The following COL23A1 variants were observed in gnomAD, a reference collection of about 807,000 sequenced individuals.
COL23A1 encodes the protein collagen type XXIII alpha 1 chain.
Under a neutral mutation model 99.3 loss-of-function variants are expected in COL23A1, and 97 were observed. The observed-to-expected ratio is 0.98, with a 90% CI of 0.83 to 1.16. The LOEUF is 1.16. Among genes scored for constraint, COL23A1 ranks in the 50% most tolerant of loss-of-function variants. The probability of loss-of-function intolerance (pLI) is 0.00; values close to 1 mark genes in which losing one functional copy is unlikely to be tolerated. For missense variants in COL23A1, 762 were observed against 757.4 expected (o/e 1.01, Z -0.07); for synonymous variants, 320 against 308.2 (o/e 1.04, Z -0.40).
chr5:178,422,552 G>A (rs1765691374), intron 2 of COL23A1, among the ~76,000 whole-genome samples: 2 of 152,206 alleles, frequency 1.3e-5, no homozygotes, highest in South Asian at 2.1e-4. Flanking sequence ...TCATCCCCCC[G>A]CTGTCTGCAC....
Position 178,237,670 on chromosome 5 carries a change from G to A in COL23A1, c.*1028C>T, listed in dbSNP as rs1471545906. 6.5e-6 allele frequency: 1 copy of A among 152,724 alleles called. No individual in the cohort carries two copies. The highest frequency in any genetic ancestry group is 1.9e-4 in the East Asian group (1 of 5,196). 9.5% of individuals were successfully genotyped at this position (152,724 alleles called of 1,614,324 possible). On this transcript the variant is annotated 3_prime_UTR_variant, in exon 29 of 29. Transcript: ENST00000390654. ...AGTGATCTCCATCTACACGGAAATG[G>A]AAGGCAAGCAGCCAGGATGGAGCTG...
At chr5:178,545,530 G>A (rs555931650) in intron 2 of COL23A1, among the ~76,000 whole-genome samples, 3 of 152,260 alleles carry the variant, frequency 2.0e-5, no homozygotes, top group South Asian at 4.2e-4. Context: ...AAGGGGACAC[G>A]GAAGAAAAGG....
At chr5:178,511,724 C>T (rs1362157469) in intron 2 of COL23A1, among the ~76,000 whole-genome samples, 1 of 152,122 alleles carries the variant, frequency 6.6e-6, no homozygotes, top group Non-Finnish European at 1.5e-5. Context: ...TGCACAGGAC[C>T]CCCAAGCAGC....
rs963853571 is a variant in COL23A1, at chr5:178,255,910, TA to T, written c.882+442del. 6.3e-6 allele frequency: 2 copies of T among 317,736 alleles called. No homozygotes were observed. Among genetic ancestry groups the T allele is most frequent in the African/African-American group, 2.2e-5 (1 of 45,442 alleles). 19.7% of individuals were successfully genotyped at this position (317,736 alleles called of 1,614,324 possible). A position where few individuals can be genotyped will look rare whatever the true frequency, so the allele number is the denominator to read the frequency against. On this transcript the variant is annotated intron_variant, in intron 15 of 28. Coordinates refer to ENST00000390654, the MANE Select transcript of COL23A1 (RefSeq NM_173465.4). The surrounding 1 kb of genome is among the most constrained non-coding windows in gnomAD (Gnocchi z 4.2). ...TCACCCTAAAGGTAAGGTATGTTGA[TA>T]GGGGCTGGTCACAAAAGATCTGGGG...
chr5:178,486,169 T>C (rs1757615671), intron 2 of COL23A1, among the ~76,000 whole-genome samples: 1 of 152,188 alleles, frequency 6.6e-6, no homozygotes, highest in Non-Finnish European at 1.5e-5. Flanking sequence ...CCAGGTAGTT[T>C]TGAAAACACC....
In COL23A1 at chr5:178,321,218, C is replaced by T. The variant is rs149008509; in HGVS notation, c.362-14299G>A. Among the ~76,000 whole-genome samples, 469 of 152,294 alleles carry T rather than the reference C, an allele frequency of 3.1e-3. 3 individuals are homozygous for T. The highest frequency in any genetic ancestry group is 0.011 in the African/African-American group (448 of 41,556). On this transcript the variant is annotated intron_variant, in intron 2 of 28. Coordinates refer to ENST00000390654, the MANE Select transcript of COL23A1 (RefSeq NM_173465.4). ...CATCAAGCACAGTCACGCTGTTGTGCGGCCACCAGCACCATCCCTCTCCAA... is the reference window on the plus strand; with the variant it reads ...CATCAAGCACAGTCACGCTGTTGTGTGGCCACCAGCACCATCCCTCTCCAA...
chr5:178,297,824 C>T (rs913221986), intron 3 of COL23A1, among the ~76,000 whole-genome samples: 8 of 152,142 alleles, frequency 5.3e-5, no homozygotes, highest in Non-Finnish European at 8.8e-5. Flanking sequence ...AGGGCAAGAG[C>T]ACCTGGAGGC....
chr5:178,472,413 C>A (rs1298922468), intron 2 of COL23A1, among the ~76,000 whole-genome samples: 1 of 152,184 alleles, frequency 6.6e-6, no homozygotes, highest in Non-Finnish European at 1.5e-5. Flanking sequence ...GAGGTGCCAG[C>A]ATGCTTTGGT....
intron 1 of COL23A1, among the ~76,000 whole-genome samples, chr5:178,573,702 T>C (rs1200473623): frequency 6.6e-6 from 1 of 152,196 alleles, no homozygotes; most frequent in Non-Finnish European, 1.5e-5. Context: ...CAAATGCTCA[T>C]TAACAGGAGA....
In COL23A1 at chr5:178,590,338, G is replaced by T; in HGVS notation, c.-141C>A. 1.4e-6 allele frequency: 1 copy of T among 709,654 alleles called. No homozygotes were observed. The highest frequency in any genetic ancestry group is 1.9e-6 in the Non-Finnish European group (1 of 533,758). The allele number at this position is 709,654 out of a possible 1,614,324, so 44.0% of individuals were successfully genotyped here. ...AGCCTCCGGGTAGCAGCGGATCGCC[G>T]CGCACGCCCCCTTCGCCGCAGCCAG... On this transcript the variant is annotated 5_prime_UTR_variant, in exon 1 of 29. Transcript: ENST00000390654. The surrounding 1 kb of genome is among the most constrained non-coding windows in gnomAD (Gnocchi z 5.7).
rs969345833 is a variant in COL23A1, at chr5:178,441,001, G to T, written c.361+119681C>A. 1.2e-4 allele frequency among the ~76,000 whole-genome samples: 18 copies of T among 152,162 alleles called. 1 individual carries two copies. Among genetic ancestry groups the T allele is most frequent in the Non-Finnish European group, 2.6e-4 (18 of 68,034 alleles). ...ATTTCTTAGAGTGGCTTGAGGTTTAGAAAGTTACGAAACAGATTTCAACTA... is the reference window on the plus strand; with the variant it reads ...ATTTCTTAGAGTGGCTTGAGGTTTATAAAGTTACGAAACAGATTTCAACTA... On this transcript the variant is annotated intron_variant, in intron 2 of 28. Coordinates refer to ENST00000390654, the MANE Select transcript of COL23A1 (RefSeq NM_173465.4).
chr5:178,404,705 C>T (rs866772451), intron 2 of COL23A1, among the ~76,000 whole-genome samples: 16 of 152,174 alleles, frequency 1.1e-4, no homozygotes, highest in Admixed American at 3.9e-4. Flanking sequence ...AACCAGACCC[C>T]TCATGTCCTC....
At position 178,287,166 on chromosome 5, in the gene COL23A1, G is replaced by A. The variant is rs532143593; in HGVS notation, c.441+1158C>T. ...AATCAGAAGAGCAGCTGGGGACTGC[G>A]GCAGGGCCCTAACCCCAGGTGTGCC... is the stretch of plus-strand genomic sequence containing the variant. On this transcript the variant is annotated intron_variant, in intron 5 of 28. Transcript: ENST00000390654. Among the ~76,000 whole-genome samples, 28 of 152,320 alleles carry A rather than the reference G, an allele frequency of 1.8e-4. 1 individual carries two copies. Among genetic ancestry groups the A allele is most frequent in the African/African-American group, 6.0e-4 (25 of 41,584 alleles).
chr5:178,552,710 A>T (rs1409473407), intron 2 of COL23A1, among the ~76,000 whole-genome samples: 5 of 96,696 alleles, frequency 5.2e-5, no homozygotes, highest in African/African-American at 2.9e-4. Flanking sequence ...AAAAATTAAA[A>T]AAAAAAAAAA....
At chr5:178,353,316 C>T (rs1269386723) in intron 2 of COL23A1, among the ~76,000 whole-genome samples, 1 of 151,942 alleles carries the variant, frequency 6.6e-6, no homozygotes, top group Non-Finnish European at 1.5e-5. Context: ...TTATGTATGA[C>T]ACAAACCTCA....
chr5:178,579,477 G>T (rs1040959725), intron 1 of COL23A1, among the ~76,000 whole-genome samples: 1 of 152,090 alleles, frequency 6.6e-6, no homozygotes, highest in South Asian at 2.1e-4. Flanking sequence ...GTTTTGAGAC[G>T]GAGTCTTGCT....
At chr5:178,480,191 T>C (rs1047012585) in intron 2 of COL23A1, among the ~76,000 whole-genome samples, 1 of 150,722 alleles carries the variant, frequency 6.6e-6, no homozygotes, top group Non-Finnish European at 1.5e-5. Flanking sequence ...AGGAGATAGA[T>C]GAAGCCTGAT....
At chr5:178,323,417 C>A (rs1460425326) in intron 2 of COL23A1, among the ~76,000 whole-genome samples, 1 of 152,156 alleles carries the variant, frequency 6.6e-6, no homozygotes, top group Admixed American at 6.5e-5. Context: ...TGTTTCTCAT[C>A]CATTCAGATG....
chr5:178,442,083 C>T (rs866807091), intron 2 of COL23A1, among the ~76,000 whole-genome samples: 3 of 152,022 alleles, frequency 2.0e-5, no homozygotes, highest in African/African-American at 7.2e-5. Context: ...AAACCACGCA[C>T]GCCGAGTCCT....
Sources: gnomAD v4.1 joint callset for allele counts (sites outside exome capture counted in the v4.1 genomes callset) on GRCh38, gnomAD v4.1.1 for gene constraint, Gnocchi (gnomAD v3.1) non-coding constraint, MANE v1.5 for transcripts, NCBI Gene and HGNC (gene_info 2026-07-23, HGNC 2026-07-21) for gene names.